DCAF1: variants seen among roughly 807,000 people sequenced by gnomAD.
The protein encoded by DCAF1 is DDB1- and CUL4-associated factor 1.
Under a neutral mutation model 128.0 loss-of-function variants are expected in DCAF1, and 15 were observed. The ratio of observed to expected loss-of-function variants is 0.12; its 90% CI spans 0.08 to 0.18. The LOEUF (loss-of-function observed/expected upper bound fraction) is 0.18, where lower values mean the gene tolerates loss of function less well. Among genes scored for constraint, DCAF1 ranks in the 10% least tolerant of loss-of-function variants. The pLI is 1.00. For missense variants in DCAF1, 988 were observed against 1,649.5 expected, an observed-to-expected ratio of 0.60 and a Z score of 6.95; for synonymous variants, 610 against 603.0, an observed-to-expected ratio of 1.01 and a Z score of -0.17.
In DCAF1 at chr3:51,480,190, A is replaced by C. The variant is rs537981746; in HGVS notation, c.110+3529T>G. Among the ~76,000 whole-genome samples, 18 of 152,084 alleles carry C rather than the reference A, an allele frequency of 1.2e-4. No homozygotes were observed. The South Asian group carries it at 3.5e-3, about 30-fold the overall frequency. Reference sequence around the variant, plus strand: ...GTCAAAGTCAGTGAAGGTTTTACAGACATGATTCTTGAACTACTTCTTCTA... The same window carrying C: ...GTCAAAGTCAGTGAAGGTTTTACAGCCATGATTCTTGAACTACTTCTTCTA... On this transcript the variant is annotated intron_variant, in intron 3 of 24. Coordinates refer to ENST00000684031, the MANE Select transcript of DCAF1 (RefSeq NM_001387579.1).
chr3:51,449,062 T>A (rs1481324607), intron 6 of DCAF1, among the ~76,000 whole-genome samples: 1 of 151,718 alleles, frequency 6.6e-6, no homozygotes, highest in African/African-American at 2.4e-5. Flanking sequence ...CACAAATACA[T>A]GAAAATTAAA....
At chr3:51,404,925 C>T (rs1553626145) in intron 23 of DCAF1, among the ~76,000 whole-genome samples, 2 of 152,170 alleles carry the variant, frequency 1.3e-5, no homozygotes, top group African/African-American at 4.8e-5. Flanking sequence ...GACAGGCTCT[C>T]AGCCCCTACA....
rs961355117 is a variant in DCAF1 at position 51,483,173 on chromosome 3, C to A, written c.110+546G>T. Among the ~76,000 whole-genome samples the A allele has an allele frequency of 1.0e-4, 14 of 138,808 alleles. 1 individual carries two copies. The South Asian group carries it at 3.0e-3, about 29-fold the overall frequency. The allele number at this position is 138,808 out of a possible 152,430, so 91.1% of individuals were successfully genotyped here. ...AAAAAAAGCCAGGCTCAGTGGCTCA[C>A]GCCTGTAATCCTAGCACTTTGGGAG... On this transcript the variant is annotated intron_variant, in intron 3 of 24. Coordinates refer to ENST00000684031, the MANE Select transcript of DCAF1 (RefSeq NM_001387579.1).
intron 2 of DCAF1, among the ~76,000 whole-genome samples, chr3:51,485,590 CTT>C (rs1180022460): frequency 6.6e-6 from 1 of 152,216 alleles, no homozygotes; most frequent in African/African-American, 2.4e-5. Flanking sequence ...AAATGCGTAT[CTT>C]CTCAGAAACA....
intron 6 of DCAF1, among the ~76,000 whole-genome samples, chr3:51,460,140 T>C (rs1303413980): frequency 2.0e-5 from 3 of 152,150 alleles, no homozygotes; most frequent in East Asian, 1.9e-4. Flanking sequence ...GATGACATGA[T>C]TGTATATCTA....
In DCAF1 at chr3:51,420,357, T is replaced by G; in HGVS notation, c.2613A>C (p.Thr871=). 1.9e-6 allele frequency: 3 copies of G among 1,614,048 alleles called. No individual in the cohort carries two copies. Among genetic ancestry groups the G allele is most frequent in the Non-Finnish European group, 2.5e-6 (3 of 1,179,902 alleles). ...CAGTCATGGGCAGGTCAGCCTCTTT[T>G]GTCAGCACGGTTGCTGTTTCTCCAA... ...KGLGETATVL[T]KEADLPMTAA... The change falls in exon 15 of 25, where the codon ACA becomes ACC. Residue 871 remains threonine (T), a synonymous_variant. Transcript: ENST00000684031. This position sits in a 1 kb window ranked among gnomAD's most constrained non-coding sequence, Gnocchi z 6.5.
chr3:51,417,688 C>T (rs1553630843), intron 17 of DCAF1, among the ~76,000 whole-genome samples: 1 of 151,020 alleles, frequency 6.6e-6, no homozygotes, highest in East Asian at 1.9e-4. Context: ...CCACTGCACT[C>T]CAGCCTGGGC....
At chr3:51,419,659 G>A (rs1699222596) in intron 15 of DCAF1, 75 bp downstream of exon 15, 2 of 1,522,732 alleles carry the variant, frequency 1.3e-6, no homozygotes, top group East Asian at 4.5e-5. Flanking sequence ...GGACAACTAT[G>A]CTGATACTGC....
rs782174345 is a variant in DCAF1 at position 51,414,768 on chromosome 3, A to G, written c.3693T>C (p.Asn1231=). 8 of 1,613,896 alleles carry G rather than the reference A, an allele frequency of 5.0e-6. 1 individual carries two copies. Among genetic ancestry groups the G allele is most frequent in the Middle Eastern group, 3.3e-4 (2 of 6,084 alleles). The change falls in exon 19 of 25, where the codon AAT becomes AAC. Residue 1231 remains asparagine (N), a synonymous_variant. Transcript: ENST00000684031. ...CATTTAAGACAAGATCATCTGTAGG[A>G]TTAAAGGTGGCACAGTTCCTCTTGT... The part of the protein sequence containing the change: ...NNYKRNCATF[N]PTDDLVLNDG...
chr3:51,442,003 C>T, intron 7 of DCAF1, 106 bp from the exon 8 acceptor site: 3 of 1,423,086 alleles, frequency 2.1e-6, no homozygotes, highest in South Asian at 2.9e-5. Flanking sequence ...ATGCAGTGAG[C>T]CCAACGCCTG....
At chr3:51,481,529 T>C (rs1559565605) in intron 3 of DCAF1, among the ~76,000 whole-genome samples, 1 of 150,676 alleles carries the variant, frequency 6.6e-6, no homozygotes, top group African/African-American at 2.4e-5. Flanking sequence ...CTATCTCTAC[T>C]AAAAAAAACA....
At chr3:51,415,932 G>C (rs1478067776) in intron 18 of DCAF1, among the ~76,000 whole-genome samples, 1 of 152,020 alleles carries the variant, frequency 6.6e-6, no homozygotes, top group Non-Finnish European at 1.5e-5. Flanking sequence ...GAATGTCTAA[G>C]AGAATCTCAA....
At chr3:51,478,569 A>T (rs562537722) in intron 3 of DCAF1, among the ~76,000 whole-genome samples, 1 of 152,260 alleles carries the variant, frequency 6.6e-6, no homozygotes, top group South Asian at 2.1e-4. Flanking sequence ...TACACATGTT[A>T]ACAGCACAAT....
chr3:51,482,163 T>A (rs191489061), intron 3 of DCAF1, among the ~76,000 whole-genome samples: 1 of 152,052 alleles, frequency 6.6e-6, no homozygotes, highest in East Asian at 1.9e-4. Flanking sequence ...AAGAGCCAAG[T>A]AGGCCAGCAC....
chr3:51,461,598 A>C (rs1361289216), intron 6 of DCAF1, among the ~76,000 whole-genome samples: 1 of 152,174 alleles, frequency 6.6e-6, no homozygotes, highest in Non-Finnish European at 1.5e-5. Context: ...TGCTGCTATA[A>C]AGACACATTC....
At position 51,427,017 on chromosome 3, in the gene DCAF1, G is replaced by A. The variant is rs562949669; in HGVS notation, c.1847+355C>T. On this transcript the variant is annotated intron_variant, in intron 13 of 24. Transcript: ENST00000684031. ...CGTAATATAAACATTATATATGGTT[G>A]TCAAGTAGTAGCAAGACACTTTAAG... Among the ~76,000 whole-genome samples the A allele has an allele frequency of 5.3e-4, 80 of 152,240 alleles. 1 individual carries two copies. Among genetic ancestry groups the A allele is most frequent in the Non-Finnish European group, 6.5e-4 (44 of 68,032 alleles).
At chr3:51,483,594 TC>T (rs1315134939) in intron 3 of DCAF1, 124 bp downstream of exon 3, 2 of 672,224 alleles carry the variant, frequency 3.0e-6, no homozygotes, top group African/African-American at 3.7e-5. Flanking sequence ...AATTTTTGCT[TC>T]TTTTTAAACT....
At chr3:51,472,329 G>A (rs1342346271) in intron 3 of DCAF1, among the ~76,000 whole-genome samples, 11 of 152,164 alleles carry the variant, frequency 7.2e-5, no homozygotes, top group African/African-American at 2.4e-4. Context: ...CCAAGTAACC[G>A]TTCATCTGCT....
chr3:51,416,730 T>C (rs1170228684), intron 18 of DCAF1, 57 bp downstream of exon 18: 4 of 1,560,310 alleles, frequency 2.6e-6, no homozygotes, highest in African/African-American at 2.7e-5. Flanking sequence ...TCAAGAAGAT[T>C]TCAGTATGAA....
Sources: gnomAD v4.1 joint callset for allele counts (sites outside exome capture counted in the v4.1 genomes callset) on GRCh38, gnomAD v4.1.1 for gene constraint, Gnocchi (gnomAD v3.1) non-coding constraint, MANE v1.5 for transcripts, NCBI Gene and HGNC (gene_info 2026-07-23, HGNC 2026-07-21) for gene names.